The following MMP26 variants were observed in gnomAD, a reference collection of about 807,000 sequenced individuals.
The protein encoded by MMP26 is matrix metalloproteinase-26.
A neutral mutation model predicts 31.0 loss-of-function variants in MMP26; 33 were observed. The ratio of observed to expected loss-of-function variants is 1.06; its 90% CI spans 0.81 to 1.42. The LOEUF (loss-of-function observed/expected upper bound fraction) is 1.42, where lower values mean the gene tolerates loss of function less well. MMP26 is among the 40% of genes most tolerant of loss of function. MMP26 has a pLI of 0.00. For missense variants in MMP26, 347 were observed against 316.1 expected (o/e 1.10, Z -0.74); for synonymous variants, 122 against 114.9 (o/e 1.06, Z -0.40).
At chr11:4,725,807 A>G (rs781071708) in intron 1 of MMP26, among the ~76,000 whole-genome samples, 1 of 152,322 alleles carries the variant, frequency 6.6e-6, no homozygotes, top group Admixed American at 6.5e-5. Context: ...GTGGTGGTAG[A>G]GTAAAAAGAA....
At chr11:4,726,198 C>T (rs560750704) in intron 1 of MMP26, among the ~76,000 whole-genome samples, 171 of 152,132 alleles carry the variant, frequency 1.1e-3, no homozygotes, top group African/African-American at 3.8e-3. Flanking sequence ...TTTACTAGGC[C>T]GGGCATGGTG....
chr11:4,914,551 C>G (rs948212757), intron 2 of MMP26: 6 of 574,090 alleles, frequency 1.0e-5, no homozygotes, highest in Non-Finnish European at 1.2e-5. Context: ...TTTACCCCCC[C>G]CTGCCCTGGC....
intron 2 of MMP26, chr11:4,946,865 G>C (rs767949194): frequency 6.2e-7 from 1 of 1,600,712 alleles, no homozygotes; most frequent in Non-Finnish European, 8.5e-7. Context: ...AGTGGGCAGA[G>C]ATGATAAAGA....
rs1043669336 is a variant in MMP26, at chr11:4,882,650, A to G, written c.-144-105418A>G. 5.0e-6 allele frequency: 8 copies of G among 1,613,786 alleles called. No homozygotes were observed. The highest frequency in any genetic ancestry group is 6.8e-6 in the Non-Finnish European group (8 of 1,179,946). On this transcript the variant is annotated intron_variant, in intron 2 of 7. Transcript: ENST00000380390. ...TTGTGTCTGTCACATCTGTGCAGTC[A>G]CTATTTTCTATGTGCCACTGATCAG...
chr11:4,767,899 C>T (rs983743843), intron 2 of MMP26, among the ~76,000 whole-genome samples: 1 of 152,138 alleles, frequency 6.6e-6, no homozygotes, highest in East Asian at 1.9e-4. Context: ...ATGCAATTGA[C>T]ATTTTTAAGC....
chr11:4,919,582 G>GA (rs1280858067), intron 2 of MMP26, among the ~76,000 whole-genome samples: 1 of 152,158 alleles, frequency 6.6e-6, no homozygotes, highest in African/African-American at 2.4e-5. Flanking sequence ...CACTGGTGAA[G>GA]AATATGGCAA....
chr11:4,733,901 T>C lies in MMP26; in HGVS notation c.-217+28856T>C, dbSNP rs547645400. 4.6e-5 allele frequency among the ~76,000 whole-genome samples: 7 copies of C among 152,320 alleles called. No individual in the cohort carries two copies. The South Asian group carries it at 1.4e-3, about 32-fold the overall frequency. ...TATCAAAAATGATAGTTGAATCTTG[T>C]CAAATGCTTCTTCTACACCTTTGAG... On this transcript the variant is annotated intron_variant, in intron 1 of 7. Coordinates refer to ENST00000380390, the MANE Select transcript of MMP26 (RefSeq NM_021801.5).
At chr11:4,946,731 T>C (rs768530291) in intron 2 of MMP26, 1 of 1,589,610 alleles carries the variant, frequency 6.3e-7, no homozygotes, top group Non-Finnish European at 8.6e-7. Context: ...GCTAGGAATC[T>C]ATCAAATGAC....
At chr11:4,770,066 C>T in intron 2 of MMP26, 2 of 584,788 alleles carry the variant, frequency 3.4e-6, no homozygotes, top group Non-Finnish European at 6.2e-6. Flanking sequence ...ATTGAGAAAC[C>T]TTTAAATTAA....
chr11:4,908,447 A>T (rs1245348146), intron 2 of MMP26: 2 of 750,140 alleles, frequency 2.7e-6, no homozygotes, highest in East Asian at 5.4e-5. Context: ...TTTATAATAA[A>T]GTTGAGAATA....
intron 2 of MMP26, among the ~76,000 whole-genome samples, chr11:4,809,913 C>G (rs147065811): frequency 1.1e-4 from 17 of 152,324 alleles, no homozygotes; most frequent in African/African-American, 4.1e-4. Flanking sequence ...CAGACCTCTA[C>G]TCTGTCTTTA....
Position 4,992,134 on chromosome 11 carries a change from T to C in MMP26, c.757+9T>C. 1 of 1,613,110 alleles carries C rather than the reference T, an allele frequency of 6.2e-7. No individual in the cohort carries two copies. The highest frequency in any genetic ancestry group is 1.1e-5 in the South Asian group (1 of 90,870). On this transcript the variant is annotated intron_variant, in intron 7 of 7. Coordinates refer to ENST00000380390, the MANE Select transcript of MMP26 (RefSeq NM_021801.5). ...GATCCAGCATTTGTATGGTCTGTGC[T>C]GCTTAAGGAAGAGAAGGGAGATCTG... is the stretch of plus-strand genomic sequence containing the variant.
At chr11:4,870,352 A>G (rs73403101) in intron 2 of MMP26, among the ~76,000 whole-genome samples, 5,277 of 152,204 alleles carry the variant, frequency 0.035, 280 homozygotes, top group African/African-American at 0.12. Context: ...ATGACACTCA[A>G]TTATATGGTC....
In MMP26 at chr11:4,882,000, G is replaced by A. The variant is rs146802719; in HGVS notation, c.-144-106068G>A. On this transcript the variant is annotated intron_variant, in intron 2 of 7. Coordinates refer to ENST00000380390, the MANE Select transcript of MMP26 (RefSeq NM_021801.5). ...CATGTCTGGATCTCCATTCCAGTCTGCTGTCTCTACACCATTGCCCTCTTG... is the reference window on the plus strand; with the variant it reads ...CATGTCTGGATCTCCATTCCAGTCTACTGTCTCTACACCATTGCCCTCTTG... 8 of 1,613,694 alleles carry A rather than the reference G, an allele frequency of 5.0e-6. No individual in the cohort carries two copies. In the African/African-American group the frequency reaches 1.1e-4, roughly 22 times the overall value.
chr11:4,943,580 C>A, intron 2 of MMP26: 1 of 424,636 alleles, frequency 2.4e-6, no homozygotes, highest in Non-Finnish European at 4.8e-6. Flanking sequence ...AGTAGCGTCT[C>A]CGGCCTCTAA....
chr11:4,748,226 C>T (rs1245757492), intron 1 of MMP26, among the ~76,000 whole-genome samples: 1 of 151,954 alleles, frequency 6.6e-6, no homozygotes, highest in Non-Finnish European at 1.5e-5. Flanking sequence ...GGAAATATAA[C>T]CTCCAAAGAC....
chr11:4,770,211 A>C (rs1220303893), intron 2 of MMP26, among the ~76,000 whole-genome samples: 1 of 152,218 alleles, frequency 6.6e-6, no homozygotes, highest in Non-Finnish European at 1.5e-5. Context: ...GAATATATTA[A>C]GATGCATCAT....
intron 2 of MMP26, among the ~76,000 whole-genome samples, chr11:4,948,084 A>G (rs768664758): frequency 8.0e-6 from 1 of 124,276 alleles, no homozygotes; most frequent in Non-Finnish European, 1.8e-5. Context: ...AGACATCACT[A>G]ATTAAATATC....
At chr11:4,710,247 G>A (rs1177190583) in intron 1 of MMP26, 12 of 456,614 alleles carry the variant, frequency 2.6e-5, no homozygotes, top group Non-Finnish European at 4.8e-5. Flanking sequence ...CGTCCGCTCT[G>A]TGCTCTGCAT....
Sources: allele counts gnomAD v4.1 joint callset (sites outside exome capture counted in the v4.1 genomes callset), GRCh38; gene constraint gnomAD v4.1.1; transcripts MANE v1.5; gene names NCBI Gene and HGNC (gene_info 2026-07-23, HGNC 2026-07-21).